Variants in MAGI1 observed in about 807,000 individuals in gnomAD.
The protein encoded by MAGI1 is membrane-associated guanylate kinase, WW and PDZ domain-containing protein 1.
A neutral mutation model predicts 139.9 loss-of-function variants in MAGI1; 58 were observed. That is an observed-to-expected ratio of 0.41 (90% CI 0.34 to 0.52). MAGI1 has a LOEUF of 0.52. Ranked by LOEUF, MAGI1 falls within the 20% of genes least tolerant of loss-of-function variation. The pLI is 0.12. For missense variants in MAGI1, 1,874 were observed against 1,901.6 expected (o/e 0.99, Z 0.27); for synonymous variants, 812 against 737.9 (o/e 1.10, Z -1.63).
At chr3:66,014,270 G>C (rs2067503584) in intron 1 of MAGI1, among the ~76,000 whole-genome samples, 1 of 152,164 alleles carries the variant, frequency 6.6e-6, no homozygotes, top group African/African-American at 2.4e-5. Flanking sequence ...CTCAGAGGTA[G>C]CCACAGGGAA....
At chr3:65,393,474 T>C (rs1944102926) in intron 13 of MAGI1, among the ~76,000 whole-genome samples, 1 of 152,206 alleles carries the variant, frequency 6.6e-6, no homozygotes, top group Non-Finnish European at 1.5e-5. Context: ...AGACAAAATT[T>C]AAAGTCATTT....
chr3:65,558,228 G>T (rs947692789), intron 2 of MAGI1, among the ~76,000 whole-genome samples: 1 of 152,100 alleles, frequency 6.6e-6, no homozygotes, highest in East Asian at 1.9e-4. Flanking sequence ...GTTTCTAAAC[G>T]TTTCCATTTT....
At chr3:65,608,459 G>A (rs143519265) in intron 2 of MAGI1, among the ~76,000 whole-genome samples, 10 of 151,618 alleles carry the variant, frequency 6.6e-5, no homozygotes, top group South Asian at 4.2e-4. Flanking sequence ...AACAAAAAAC[G>A]GACAAATGGA....
chr3:65,799,912 G>A (rs1225145357), intron 1 of MAGI1, among the ~76,000 whole-genome samples: 1 of 152,130 alleles, frequency 6.6e-6, no homozygotes. Context: ...TCTGGAAGTT[G>A]AAAAAAATAG....
In MAGI1 at chr3:65,356,919, T is replaced by C. The variant is rs1198401405; in HGVS notation, c.3848A>G (p.Asn1283Ser). The change falls in exon 23 of 23, where the codon AAT (asparagine) becomes AGT (serine). Residue 1283 changes from asparagine to serine, a missense_variant. Physicochemically the swap from Asn to Ser is conservative, Grantham distance 46. Around this residue, in one of 5 missense-constraint regions of MAGI1, gnomAD observed 653 missense variants for 644.5 expected, o/e 1.01. Transcript: ENST00000402939. The part of the protein sequence containing the change: ...SRQPNEHHTW[N>S]GTSRKPDSGA... ...GCTGTCGGGTTTCCTCGAAGTCCCA[T>C]TCCAGGTGTGGTGTTCATTGGGTTG... The C allele has an allele frequency of 1.5e-5, 24 of 1,614,176 alleles. No homozygotes were observed. The highest frequency in any genetic ancestry group is 1.9e-5 in the Non-Finnish European group (23 of 1,180,018).
chr3:65,695,414 G>T (rs2089081892), intron 1 of MAGI1, among the ~76,000 whole-genome samples: 1 of 152,142 alleles, frequency 6.6e-6, no homozygotes, highest in Admixed American at 6.5e-5. Context: ...ACAGAAGGAG[G>T]TCCTGGATAT....
intron 12 of MAGI1, among the ~76,000 whole-genome samples, chr3:65,421,366 T>C (rs1946621699): frequency 6.6e-6 from 1 of 152,192 alleles, no homozygotes; most frequent in South Asian, 2.1e-4. Context: ...AGCTAGAAGA[T>C]GTTAGGCAGC....
At chr3:65,714,680 C>A (rs752005253) in intron 1 of MAGI1, among the ~76,000 whole-genome samples, 1 of 152,050 alleles carries the variant, frequency 6.6e-6, no homozygotes, top group African/African-American at 2.4e-5. Context: ...TCTTAAGAAT[C>A]ATCAGTGAGC....
chr3:65,722,130 G>A lies in MAGI1; in HGVS notation c.314-100042C>T, dbSNP rs2033104390. 2.6e-5 allele frequency among the ~76,000 whole-genome samples: 4 copies of A among 152,228 alleles called. No individual in the cohort carries two copies. The South Asian group carries it at 8.3e-4, about 32-fold the overall frequency. ...GCAAGTTCCATGGCTTAAGAACTGA[G>A]TCAACCAATTCGTGCAGCAGTCTTG... is the stretch of plus-strand genomic sequence containing the variant. On this transcript the variant is annotated intron_variant, in intron 1 of 22. Transcript: ENST00000402939.
chr3:65,795,976 A>G (rs2040110251), intron 1 of MAGI1, among the ~76,000 whole-genome samples: 1 of 149,456 alleles, frequency 6.7e-6, no homozygotes, highest in South Asian at 2.2e-4. Context: ...GCTTGACCAC[A>G]GGAGGCGGAA....
At chr3:65,576,625 T>C (rs2081190850) in intron 2 of MAGI1, among the ~76,000 whole-genome samples, 1 of 152,220 alleles carries the variant, frequency 6.6e-6, no homozygotes, top group African/African-American at 2.4e-5. Context: ...ATGGGCGTTG[T>C]ACTGCTATCT....
At chr3:65,861,990 GTCTC>G (rs2059571104) in intron 1 of MAGI1, among the ~76,000 whole-genome samples, 1 of 152,172 alleles carries the variant, frequency 6.6e-6, no homozygotes, top group Non-Finnish European at 1.5e-5. Flanking sequence ...ACCATGCCCT[GTCTC>G]TCTAATTGGC....
intron 1 of MAGI1, among the ~76,000 whole-genome samples, chr3:65,682,941 G>A (rs138933959): frequency 7.0e-4 from 106 of 152,102 alleles, no homozygotes; most frequent in Middle Eastern, 3.4e-3. Flanking sequence ...GGATGGTTTC[G>A]GGATGAAACT....
At chr3:65,877,741 G>C (rs2060171895) in intron 1 of MAGI1, among the ~76,000 whole-genome samples, 1 of 152,062 alleles carries the variant, frequency 6.6e-6, no homozygotes, top group Non-Finnish European at 1.5e-5. Context: ...TTTTTGTAGA[G>C]ACAAACTCAA....
chr3:65,891,217 A>C lies in MAGI1; in HGVS notation c.313+146779T>G, dbSNP rs377765845. 9.6e-4 allele frequency among the ~76,000 whole-genome samples: 136 copies of C among 142,210 alleles called. No individual in the cohort carries two copies. In the East Asian group the frequency reaches 0.018, roughly 19 times the overall value. The allele number at this position is 142,210 out of a possible 152,430, so 93.3% of individuals were successfully genotyped here. On this transcript the variant is annotated intron_variant, in intron 1 of 22. Coordinates refer to ENST00000402939, the MANE Select transcript of MAGI1 (RefSeq NM_001033057.2). ...CCCCTGTCACAGAAAAACACACACA[A>C]AAAAAAAAAAAGGAAAGAAAGAAAC... is the stretch of plus-strand genomic sequence containing the variant.
At position 65,430,129 on chromosome 3, in the gene MAGI1, C is replaced by A; in HGVS notation, c.1558G>T (p.Val520Leu). ...AAAACACAGGTGTCATTCACACTTA[C>A]AATCACATCCCCTGTAGAAGGCAAG... is the stretch of plus-strand genomic sequence containing the variant. ...DGKMETGDVI[V>L]SVNDTCVLGH... Residue 520 changes from valine (V) to leucine (L), a missense_variant, in exon 12 of 23, where the codon GTA becomes TTA. By Grantham distance (32) the Val-to-Leu change is conservative (BLOSUM62 1). Transcript: ENST00000402939. The A allele has an allele frequency of 6.2e-7, 1 of 1,612,338 alleles. No individual in the cohort carries two copies. The highest frequency in any genetic ancestry group is 8.5e-7 in the Non-Finnish European group (1 of 1,178,570).
intron 1 of MAGI1, among the ~76,000 whole-genome samples, chr3:65,984,099 G>A (rs2065742813): frequency 1.3e-5 from 2 of 152,160 alleles, no homozygotes; most frequent in Admixed American, 1.3e-4. Context: ...TTCAAGACCA[G>A]CTTGGCCAAG....
chr3:65,616,157 T>C (rs1345929398), intron 2 of MAGI1, among the ~76,000 whole-genome samples: 1 of 152,152 alleles, frequency 6.6e-6, no homozygotes, highest in Non-Finnish European at 1.5e-5. Flanking sequence ...CTAATGCTTG[T>C]CTTCTTAAAG....
chr3:65,557,526 A>C (rs2080144086), intron 2 of MAGI1, among the ~76,000 whole-genome samples: 1 of 152,206 alleles, frequency 6.6e-6, no homozygotes, highest in Non-Finnish European at 1.5e-5. Context: ...GAGATCATTA[A>C]ATATATCGTT....
Sources: gnomAD v4.1 joint callset for allele counts (sites outside exome capture counted in the v4.1 genomes callset) on GRCh38, gnomAD v4.1.1 for gene constraint, gnomAD v4.1.1 regional missense constraint, MANE v1.5 for transcripts, NCBI Gene and HGNC (gene_info 2026-07-23, HGNC 2026-07-21) for gene names.